Variants in MEGF6 observed in about 807,000 individuals in gnomAD.
MEGF6 encodes multiple epidermal growth factor-like domains protein 6.
Under a neutral mutation model 207.1 loss-of-function variants are expected in MEGF6, and 184 were observed. The observed-to-expected ratio is 0.89, with a 90% confidence interval of 0.79 to 1.00. The LOEUF (loss-of-function observed/expected upper bound fraction) is 1.00. MEGF6 is among the 50% of genes least tolerant of loss of function. The probability of loss-of-function intolerance (pLI) is 0.00; values close to 1 mark genes in which losing one functional copy is unlikely to be tolerated. For missense variants in MEGF6, 2,282 were observed against 2,202.9 expected (o/e 1.04, Z -0.72); for synonymous variants, 1,038 against 910.0 (o/e 1.14, Z -2.53).
the MEGF6 span, among the ~76,000 whole-genome samples, chr1:3,621,760 G>A: frequency 1.3e-5 from 2 of 152,214 alleles, no homozygotes; most frequent in Non-Finnish European, 2.9e-5. Context: ...CAGGGGCAGA[G>A]CTTCCCAAGG....
chr1:3,614,214 G>C (rs943549771), upstream of MEGF6, among the ~76,000 whole-genome samples: 1 of 152,138 alleles, frequency 6.6e-6, no homozygotes, highest in East Asian at 1.9e-4. Flanking sequence ...GGGGCTGTCC[G>C]TGCCCCTATA....
chr1:3,501,354 TCAACA>T (rs764234289), intron 18 of MEGF6, 46 bp from the exon 19 acceptor site: 1 of 1,553,700 alleles, frequency 6.4e-7, no homozygotes, highest in Non-Finnish European at 8.7e-7. Flanking sequence ...CTGCCCTTGC[TCAACA>T]CATCAACATA....
chr1:3,531,080 C>T, intron 4 of MEGF6: 1 of 1,522,374 alleles, frequency 6.6e-7, no homozygotes, highest in Non-Finnish European at 8.8e-7. Flanking sequence ...CGGCGCCCAC[C>T]TGGCCTCTGG....
rs79358002 is a variant in MEGF6 at position 3,536,586 on chromosome 1, C to T, written c.482-12340G>A. ...CCCTACTCAGTGCCGCCACCGAGCA[C>T]GTCCCAGCCGGAGAATGTGGGGTCT... On this transcript the variant is annotated intron_variant, in intron 4 of 36. Coordinates refer to ENST00000356575, the MANE Select transcript of MEGF6 (RefSeq NM_001409.4). 3.5e-4 allele frequency among the ~76,000 whole-genome samples: 54 copies of T among 152,298 alleles called. 1 individual carries two copies. In the East Asian group the frequency reaches 7.1e-3, roughly 20 times the overall value.
intron 3 of MEGF6, among the ~76,000 whole-genome samples, chr1:3,580,938 G>C (rs1051448507): frequency 1.8e-4 from 27 of 152,088 alleles, no homozygotes; most frequent in Non-Finnish European, 3.7e-4. Flanking sequence ...CTCTAGACAA[G>C]GGGGCCCTGC....
At position 3,490,575 on chromosome 1, in the gene MEGF6, C is replaced by T. The variant is rs573627902; in HGVS notation, c.4579G>A (p.Ala1527Thr). 9.9e-6 allele frequency: 16 copies of T among 1,613,324 alleles called. No individual in the cohort carries two copies. Among genetic ancestry groups the T allele is most frequent in the South Asian group, 3.3e-5 (3 of 91,066 alleles). Residue 1527 changes from alanine to threonine, a missense_variant, in exon 37 of 37, where the codon GCC becomes ACC. Ala to Thr is a moderately conservative substitution (Grantham distance 58, BLOSUM62 0). Transcript: ENST00000356575. ...LAQGSAGTLP[A>T]SSRPTSRSGG... The stretch of plus-strand genomic sequence containing the variant: ...CTCCGGGATGTGGGTCTGCTGGAGG[C>T]GGGCAGTGTGCCCGCTGGGGAAAAG...
chr1:3,500,868 T>C (rs2100928562), intron 20 of MEGF6, 98 bp downstream of exon 20: 2 of 1,596,274 alleles, frequency 1.3e-6, no homozygotes, highest in African/African-American at 1.3e-5. Flanking sequence ...CAAGGCCTCC[T>C]GCAAGCCCCT....
chr1:3,618,801 C>A, the MEGF6 span, among the ~76,000 whole-genome samples: 8 of 152,156 alleles, frequency 5.3e-5, no homozygotes, highest in African/African-American at 1.9e-4. The surrounding 1 kb of genome is among the most constrained non-coding windows in gnomAD (Gnocchi z 4.7). Context: ...GGCTGAGAAA[C>A]ATTCCTCAGC....
In MEGF6 at chr1:3,556,327, A is replaced by T. The variant is rs775546476; in HGVS notation, c.481+23498T>A. ...ATGATCTTGGCACAAAGACACCCCCATGAGCTCCCAGAGGTGACAACGTCA... is the reference window on the plus strand; with the variant it reads ...ATGATCTTGGCACAAAGACACCCCCTTGAGCTCCCAGAGGTGACAACGTCA... On this transcript the variant is annotated intron_variant, in intron 4 of 36. Transcript: ENST00000356575. This position sits in a 1 kb window ranked among gnomAD's most constrained non-coding sequence, Gnocchi z 4.4. Among the ~76,000 whole-genome samples the T allele has an allele frequency of 2.0e-5, 3 of 152,210 alleles. No individual in the cohort carries two copies. Among genetic ancestry groups the T allele is most frequent in the Non-Finnish European group, 2.9e-5 (2 of 68,040 alleles).
At position 3,505,686 on chromosome 1, in the gene MEGF6, C is replaced by T. The variant is rs937868216; in HGVS notation, c.1919-130G>A. The T allele has an allele frequency of 6.4e-6, 8 of 1,240,418 alleles. No homozygotes were observed. In the African/African-American group the frequency reaches 1.1e-4, roughly 16 times the overall value. The allele number at this position is 1,240,418 out of a possible 1,614,324, so 76.8% of individuals were successfully genotyped here. Reference sequence around the variant, plus strand: ...GGGAGCTGTCCTCCTCCACCTCTCCCCCTGCAGCCCACCGCCCCTTCCCTG... The same window carrying T: ...GGGAGCTGTCCTCCTCCACCTCTCCTCCTGCAGCCCACCGCCCCTTCCCTG... On this transcript the variant is annotated intron_variant, in intron 15 of 36. Transcript: ENST00000356575.
At chr1:3,562,779 C>T (rs1643239218) in intron 4 of MEGF6, among the ~76,000 whole-genome samples, 1 of 152,206 alleles carries the variant, frequency 6.6e-6, no homozygotes, top group African/African-American at 2.4e-5. Flanking sequence ...TGTTCATGCA[C>T]CTGCTGACCA....
chr1:3,617,198 G>A, the MEGF6 span, among the ~76,000 whole-genome samples: 2 of 142,114 alleles, frequency 1.4e-5, no homozygotes. Context: ...GCAGCATCAG[G>A]ATGAAGCTAG....
intron 33 of MEGF6, 25 bp downstream of exon 33, chr1:3,493,971 G>A (rs757978312): frequency 1.9e-6 from 3 of 1,587,766 alleles, no homozygotes; most frequent in South Asian, 1.1e-5. Flanking sequence ...GGGAGCGGGG[G>A]TTCAGGGAGG....
At position 3,599,768 on chromosome 1, in the gene MEGF6, T is replaced by G. The variant is rs537868925; in HGVS notation, c.266+2698A>C. ...GCCGGCCAGCACTCATGCTTGCTCCTCACTCCAGGGCCTGAGGAAGCCCAG... is the reference window on the plus strand; with the variant it reads ...GCCGGCCAGCACTCATGCTTGCTCCGCACTCCAGGGCCTGAGGAAGCCCAG... On this transcript the variant is annotated intron_variant, in intron 2 of 36. Transcript: ENST00000356575. Among the ~76,000 whole-genome samples, 251 of 151,796 alleles carry G rather than the reference T, an allele frequency of 1.7e-3. 4 individuals are homozygous for G. The highest frequency in any genetic ancestry group is 3.4e-3 in the Middle Eastern group (1 of 292).
At chr1:3,497,935 G>C (rs1028490765) in intron 26 of MEGF6, among the ~76,000 whole-genome samples, 20 of 152,154 alleles carry the variant, frequency 1.3e-4, no homozygotes, top group African/African-American at 4.3e-4. Context: ...TTGCATGTCT[G>C]GGCTCTGGAG....
At chr1:3,535,015 A>G (rs1341094963) in intron 4 of MEGF6, among the ~76,000 whole-genome samples, 1 of 152,188 alleles carries the variant, frequency 6.6e-6, no homozygotes, top group Non-Finnish European at 1.5e-5. Flanking sequence ...CCACAGAGGC[A>G]GCTCCTGGCC....
At position 3,535,424 on chromosome 1, in the gene MEGF6, GAGGCTGCCCCTCTCCAGA is replaced by G. The variant is rs575545344; in HGVS notation, c.482-11196_482-11179del. ...ACACCCTCATCTGACAGGCAGCAGGGAGGCTGCCCCTCTCCAGAAGGCTGCCCCTCTCCAGAAGGCTGC... is the reference window on the plus strand; with the variant it reads ...ACACCCTCATCTGACAGGCAGCAGGGAGGCTGCCCCTCTCCAGAAGGCTGC... On this transcript the variant is annotated intron_variant, in intron 4 of 36. Coordinates refer to ENST00000356575, the MANE Select transcript of MEGF6 (RefSeq NM_001409.4). 1.4e-3 allele frequency among the ~76,000 whole-genome samples: 208 copies of G among 152,214 alleles called. 1 individual carries two copies. Among genetic ancestry groups the G allele is most frequent in the East Asian group, 0.011 (57 of 5,160 alleles).
intron 4 of MEGF6, among the ~76,000 whole-genome samples, chr1:3,575,372 G>A (rs1041633981): frequency 2.0e-5 from 3 of 152,244 alleles, no homozygotes; most frequent in African/African-American, 7.2e-5. Flanking sequence ...AGTCCCCCTC[G>A]CTCCTTTGCA....
At chr1:3,515,609 GTGGCA>G in intron 5 of MEGF6, 82 bp from the exon 6 acceptor site, 1 of 1,532,840 alleles carries the variant, frequency 6.5e-7, no homozygotes. Context: ...GGAGCAGGGA[GTGGCA>G]TGGCCACTTC....
Sources: gnomAD v4.1 joint callset for allele counts (sites outside exome capture counted in the v4.1 genomes callset) on GRCh38, gnomAD v4.1.1 for gene constraint, Gnocchi (gnomAD v3.1) non-coding constraint, MANE v1.5 for transcripts, NCBI Gene and HGNC (gene_info 2026-07-23, HGNC 2026-07-21) for gene names.